GKN1: variants seen among roughly 807,000 people sequenced by gnomAD.
GKN1 encodes gastrokine-1.
A neutral mutation model predicts 19.7 loss-of-function variants in GKN1; 17 were observed. The ratio of observed to expected loss-of-function variants is 0.86; its 90% CI spans 0.59 to 1.29. The LOEUF (loss-of-function observed/expected upper bound fraction) is 1.29, where lower values mean the gene tolerates loss of function less well. GKN1 is among the 50% of genes most tolerant of loss of function. The pLI, the probability that GKN1 is intolerant of heterozygous loss-of-function variation, is 0.00. For missense variants in GKN1, 218 were observed against 224.5 expected (o/e 0.97, Z 0.19); for synonymous variants, 96 against 78.3 (o/e 1.23, Z -1.20).
Position 68,974,674 on chromosome 2 carries a change from C to A in GKN1, c.-4C>A. 6.3e-7 allele frequency: 1 copy of A among 1,596,512 alleles called. No homozygotes were observed. Among genetic ancestry groups the A allele is most frequent in the Non-Finnish European group, 8.6e-7 (1 of 1,163,930 alleles). On this transcript the variant is annotated 5_prime_UTR_variant, in exon 1 of 6. Coordinates refer to ENST00000377938, the MANE Select transcript of GKN1 (RefSeq NM_019617.4). Reference sequence around the variant, plus strand: ...CCTCTGTCCACTGCTTTCGTGAAGACAAGATGAAGTTCACAGTGAGTAGAT... The same window carrying A: ...CCTCTGTCCACTGCTTTCGTGAAGAAAAGATGAAGTTCACAGTGAGTAGAT...
intron 3 of GKN1, 47 bp from the exon 4 acceptor site, chr2:68,978,824 G>T (rs759162116): frequency 1.9e-6 from 2 of 1,027,170 alleles, no homozygotes; most frequent in Non-Finnish European, 3.0e-6. Flanking sequence ...GATAAGAAAA[G>T]CTCCTCGGAG....
Position 68,974,689 on chromosome 2 carries a change from A to G in GKN1, c.12A>G (p.Thr4=), listed in dbSNP as rs1158087630. MKF[T]IVFAGLLGVF... ...TTCGTGAAGACAAGATGAAGTTCAC[A>G]GTGAGTAGATTTTTCCTTTTGAATT... Residue 4 remains threonine, a splice_region_variant and synonymous_variant, in exon 1 of 6, where the codon ACA becomes ACG. Transcript: ENST00000377938. The G allele has an allele frequency of 6.3e-7, 1 of 1,576,162 alleles. No individual in the cohort carries two copies. The highest frequency in any genetic ancestry group is 1.1e-5 in the South Asian group (1 of 90,328).
chr2:68,977,692 G>C lies in GKN1; in HGVS notation c.122G>C (p.Ser41Thr). ...GCTGGAAGTGGGCAGCAGTCAGTGA[G>C]TGTCAACAATGAACACAATGTGGCC... is the stretch of plus-strand genomic sequence containing the variant. Reference protein sequence around the residue: ...NNAGSGQQSVSVNNEHNVANV... With the variant: ...NNAGSGQQSVTVNNEHNVANV... The change falls in exon 3 of 6, where the codon AGT becomes ACT. Residue 41 changes from serine (S) to threonine (T), a missense_variant. By Grantham distance (58) the Ser-to-Thr change is moderately conservative. Coordinates refer to ENST00000377938, the MANE Select transcript of GKN1 (RefSeq NM_019617.4). The C allele has an allele frequency of 6.2e-7, 1 of 1,606,762 alleles. No individual in the cohort carries two copies. Among genetic ancestry groups the C allele is most frequent in the South Asian group, 1.1e-5 (1 of 90,938 alleles).
chr2:68,979,291 G>C (rs574834269), intron 4 of GKN1, among the ~76,000 whole-genome samples: 1 of 152,304 alleles, frequency 6.6e-6, no homozygotes, highest in Non-Finnish European at 1.5e-5. Context: ...GTTAGTTAGG[G>C]TTATTAGATT....
Position 68,977,446 on chromosome 2 carries a change from G to A in GKN1, c.13-49G>A, listed in dbSNP as rs115182400. The stretch of plus-strand genomic sequence containing the variant: ...TAAGCTTGGATAGAGGAAGAAAGAA[G>A]ACATCATTTTGCCATGTAACAGGAG... On this transcript the variant is annotated intron_variant, in intron 1 of 5. Coordinates refer to ENST00000377938, the MANE Select transcript of GKN1 (RefSeq NM_019617.4). The A allele has an allele frequency of 6.0e-4, 718 of 1,202,024 alleles. 1 individual carries two copies. The African/African-American group carries it at 9.8e-3, about 16-fold the overall frequency. The allele number at this position is 1,202,024 out of a possible 1,614,324, so 74.5% of individuals were successfully genotyped here.
rs755340037 is a variant in GKN1, at chr2:68,977,611, C to T, written c.67-26C>T. The stretch of plus-strand genomic sequence containing the variant: ...TTTGCAAGGAAATGTGATATTAAAT[C>T]ACTCTCAATCTCTTATAAACTTCAG... On this transcript the variant is annotated intron_variant, in intron 2 of 5. Transcript: ENST00000377938. 8 of 1,604,392 alleles carry T rather than the reference C, an allele frequency of 5.0e-6. No homozygotes were observed. The South Asian group carries it at 8.8e-5, about 18-fold the overall frequency.
chr2:68,974,677 G>A lies in GKN1; in HGVS notation c.-1G>A, dbSNP rs372972280. 6.3e-7 allele frequency: 1 copy of A among 1,594,924 alleles called. No homozygotes were observed. The highest frequency in any genetic ancestry group is 8.6e-7 in the Non-Finnish European group (1 of 1,162,642). On this transcript the variant is annotated 5_prime_UTR_variant, in exon 1 of 6. Transcript: ENST00000377938. ...CTGTCCACTGCTTTCGTGAAGACAA[G>A]ATGAAGTTCACAGTGAGTAGATTTT...
rs766730731 is a variant in GKN1, at chr2:68,978,294, A to AAGAAAGAAAGAAAGAAAGAAAAAGAG, written c.204+523_204+524insAAGAAAGAAAGAAAGAAAAAGAGAGA. On this transcript the variant is annotated intron_variant, in intron 3 of 5. Coordinates refer to ENST00000377938, the MANE Select transcript of GKN1 (RefSeq NM_019617.4). ...AAGGAAAGAAAGAAAGAAAGAAAGA[A>AAGAAAGAAAGAAAGAAAGAAAAAGAG]AGAGAGAGAAAGAAAGAAAAAGAAA... Among the ~76,000 whole-genome samples, 3 of 121,668 alleles carry AAGAAAGAAAGAAAGAAAGAAAAAGAG rather than the reference A, an allele frequency of 2.5e-5. 1 individual carries two copies. The highest frequency in any genetic ancestry group is 1.1e-4 in the African/African-American group (3 of 27,070). The allele number at this position is 121,668 out of a possible 152,430, so 79.8% of individuals were successfully genotyped here.
intron 5 of GKN1, 70 bp from the exon 6 acceptor site, chr2:68,980,659 C>T: frequency 1.2e-6 from 1 of 810,890 alleles, no homozygotes; most frequent in South Asian, 1.4e-5. Flanking sequence ...ACCCCTACTC[C>T]CCCAATCCCC....
chr2:68,977,506 T>C lies in GKN1; in HGVS notation c.24T>C (p.Ala8=), dbSNP rs774901401. Residue 8 remains alanine, a synonymous_variant, in exon 2 of 6, where the codon GCT becomes GCC. Coordinates refer to ENST00000377938, the MANE Select transcript of GKN1 (RefSeq NM_019617.4). ...ATTTGTGATTTCAGATTGTCTTTGC[T>C]GGACTTCTTGGAGTCTTTCTAGCTC... MKFTIVF[A]GLLGVFLAPA... is the part of the protein sequence containing the mutation. 17 of 1,608,760 alleles carry C rather than the reference T, an allele frequency of 1.1e-5. No homozygotes were observed. The highest frequency in any genetic ancestry group is 1.4e-5 in the Non-Finnish European group (17 of 1,175,466).
chr2:68,978,188 C>T (rs1202669415), intron 3 of GKN1: 1 of 146,068 alleles, frequency 6.8e-6, no homozygotes, highest in South Asian at 2.1e-4. Context: ...ACCTAAAACT[C>T]GGGAAATGTA....
At chr2:68,974,874 T>G (rs979365578) in intron 1 of GKN1, among the ~76,000 whole-genome samples, 185 bp downstream of exon 1, 3 of 150,408 alleles carry the variant, frequency 2.0e-5, no homozygotes, top group African/African-American at 7.3e-5. Flanking sequence ...GGGTGGAGAG[T>G]GAGGGGAGGG....
chr2:68,980,051 G>T lies in GKN1; in HGVS notation c.454G>T (p.Glu152Ter), dbSNP rs752965400. The change falls in exon 5 of 6, where the codon GAG becomes TAG. Residue 152 changes from glutamate (E) to a stop codon, truncating the protein, a stop_gained. Transcript: ENST00000377938. LOFTEE classifies it low-confidence loss of function (END_TRUNC). ...TGGGATTCCAACATACATGGCTGAG[G>T]AGATGCAAGGTGAGTAGCATCCCTA... ...CRGIPTYMAE[E>*]MQEASLFFYS... The T allele has an allele frequency of 3.1e-6, 5 of 1,613,702 alleles. No homozygotes were observed. Among genetic ancestry groups the T allele is most frequent in the Non-Finnish European group, 4.2e-6 (5 of 1,179,794 alleles).
At chr2:68,977,309 C>A (rs1670275245) in intron 1 of GKN1, among the ~76,000 whole-genome samples, 186 bp from the exon 2 acceptor site, 1 of 152,002 alleles carries the variant, frequency 6.6e-6, no homozygotes, top group Non-Finnish European at 1.5e-5. Context: ...AATTAATCAG[C>A]AATTTCACAT....
Position 68,979,909 on chromosome 2 carries a change from T to G in GKN1, c.316-4T>G. 1 of 1,612,876 alleles carries G rather than the reference T, an allele frequency of 6.2e-7. No homozygotes were observed. The highest frequency in any genetic ancestry group is 8.5e-7 in the Non-Finnish European group (1 of 1,178,878). ...TCCTTTCTACCTCTCTTTTCCACAC[T>G]CAGCTTCAGGGTAAGGGACCAGGAG... On this transcript the variant is annotated splice_region_variant and splice_polypyrimidine_tract_variant and intron_variant, in intron 4 of 5. Transcript: ENST00000377938.
chr2:68,979,495 T>C (rs4456735), intron 4 of GKN1, among the ~76,000 whole-genome samples: 22,641 of 152,148 alleles, frequency 0.15, 2,177 homozygotes, highest in South Asian at 0.25. Context: ...AAAGAAGAGA[T>C]CCATAATGTT....
Position 68,980,838 on chromosome 2 carries a change from C to A in GKN1, c.*15C>A. On this transcript the variant is annotated 3_prime_UTR_variant, in exon 6 of 6. Coordinates refer to ENST00000377938, the MANE Select transcript of GKN1 (RefSeq NM_019617.4). ...TGGAGAACTAAACAATTTTTTAAAG[C>A]CACTATGGATTTAGTCATCTGAATA... is the stretch of plus-strand genomic sequence containing the variant. 2 of 1,247,294 alleles carry A rather than the reference C, an allele frequency of 1.6e-6. No individual in the cohort carries two copies. Among genetic ancestry groups the A allele is most frequent in the Non-Finnish European group, 2.4e-6 (2 of 845,118 alleles). The allele number at this position is 1,247,294 out of a possible 1,614,324, so 77.3% of individuals were successfully genotyped here. A position where few individuals can be genotyped will look rare whatever the true frequency, so the allele number is the denominator to read the frequency against.
intron 5 of GKN1, 119 bp from the exon 6 acceptor site, chr2:68,980,610 G>A: frequency 1.6e-6 from 1 of 635,580 alleles, no homozygotes; most frequent in Middle Eastern, 2.5e-4. Flanking sequence ...ATCACAACAA[G>A]TAGATAAACC....
chr2:68,978,296 G>GAAAAAAGAAAGAA (rs796222573), intron 3 of GKN1, among the ~76,000 whole-genome samples: 1 of 102,442 alleles, frequency 9.8e-6, no homozygotes, highest in Non-Finnish European at 1.8e-5. Flanking sequence ...AAGAAAGAAA[G>GAAAAAAGAAAGAA]AGAGAGAAAG....
Sources: allele counts gnomAD v4.1 joint callset (sites outside exome capture counted in the v4.1 genomes callset), GRCh38; gene constraint gnomAD v4.1.1; transcripts MANE v1.5; gene names NCBI Gene and HGNC (gene_info 2026-07-23, HGNC 2026-07-21).